HHAT: variants seen among roughly 807,000 people sequenced by gnomAD.
The protein encoded by HHAT is protein-cysteine N-palmitoyltransferase HHAT.
In HHAT, 47 loss-of-function variants were observed where a neutral mutation model predicts 70.8. The observed-to-expected ratio is 0.66, with a 90% CI of 0.53 to 0.85. The LOEUF (loss-of-function observed/expected upper bound fraction) is 0.85. HHAT is among the 40% of genes least tolerant of loss of function. The pLI, the probability that HHAT is intolerant of heterozygous loss-of-function variation, is 0.00. For missense variants in HHAT, 609 were observed against 604.8 expected (o/e 1.01, Z -0.07); for synonymous variants, 228 against 247.6 (o/e 0.92, Z 0.74).
chr1:210,512,366 G>GGT (rs922700484), intron 8 of HHAT, among the ~76,000 whole-genome samples: 1 of 151,910 alleles, frequency 6.6e-6, no homozygotes, highest in African/African-American at 2.4e-5. Context: ...TGGCTAGTGT[G>GGT]GTGTTGGGCT....
chr1:210,583,055 C>A (rs768002245), intron 9 of HHAT, among the ~76,000 whole-genome samples: 8 of 152,182 alleles, frequency 5.3e-5, no homozygotes, highest in Non-Finnish European at 1.2e-4. Flanking sequence ...CTACAACATT[C>A]TAGGAGCAGA....
intron 9 of HHAT, among the ~76,000 whole-genome samples, chr1:210,553,349 G>A (rs2095544066): frequency 6.6e-6 from 1 of 152,314 alleles, no homozygotes; most frequent in Admixed American, 6.5e-5. Flanking sequence ...AAGGGTTGGG[G>A]TCAGAGAGGC....
chr1:210,651,356 T>C (rs1263137311), intron 11 of HHAT, among the ~76,000 whole-genome samples: 1 of 152,004 alleles, frequency 6.6e-6, no homozygotes, highest in Non-Finnish European at 1.5e-5. Context: ...ATTACACAAG[T>C]ATTAGAAAGC....
Position 210,499,112 on chromosome 1 carries a change from A to G in HHAT, c.1008-14041A>G, listed in dbSNP as rs117317117. ...TTTCCTTGCAGCCTCTGCTGTGCGAATCAGCCTATACCCTGCTTAGTCCTG... is the reference window on the plus strand; with the variant it reads ...TTTCCTTGCAGCCTCTGCTGTGCGAGTCAGCCTATACCCTGCTTAGTCCTG... On this transcript the variant is annotated intron_variant, in intron 8 of 11. Coordinates refer to ENST00000261458, the MANE Select transcript of HHAT (RefSeq NM_018194.6). 3.3e-5 allele frequency among the ~76,000 whole-genome samples: 5 copies of G among 152,170 alleles called. No individual in the cohort carries two copies. In the East Asian group the frequency reaches 9.7e-4, roughly 29 times the overall value.
chr1:210,626,094 G>T (rs373346000), intron 11 of HHAT, among the ~76,000 whole-genome samples: 2 of 152,198 alleles, frequency 1.3e-5, no homozygotes, highest in African/African-American at 2.4e-5. Context: ...GGTCAAGGGC[G>T]TAAAGATTGT....
intron 2 of HHAT, among the ~76,000 whole-genome samples, chr1:210,361,673 G>A (rs1026007841): frequency 6.6e-6 from 1 of 151,890 alleles, no homozygotes; most frequent in African/African-American, 2.4e-5. Context: ...GTTTCTTGAG[G>A]TTTTTATACT....
At chr1:210,604,295 C>G (rs1202870086) in intron 10 of HHAT, among the ~76,000 whole-genome samples, 1 of 150,540 alleles carries the variant, frequency 6.6e-6, no homozygotes, top group Non-Finnish European at 1.5e-5. Flanking sequence ...ACCATGTTAG[C>G]CAGGATGGTC....
In HHAT at chr1:210,501,280, C is replaced by G. The variant is rs993526216; in HGVS notation, c.1008-11873C>G. The stretch of plus-strand genomic sequence containing the variant: ...TGGCCCATAGACTCTGTTGCCCCAA[C>G]CTCTGCCCTTTGCAGATGCTTGAAA... On this transcript the variant is annotated intron_variant, in intron 8 of 11. Transcript: ENST00000261458. Among the ~76,000 whole-genome samples, 5 of 152,250 alleles carry G rather than the reference C, an allele frequency of 3.3e-5. No individual in the cohort carries two copies. In the East Asian group the frequency reaches 9.6e-4, roughly 29 times the overall value.
chr1:210,555,480 T>C (rs2095563880), intron 9 of HHAT, among the ~76,000 whole-genome samples: 1 of 152,166 alleles, frequency 6.6e-6, no homozygotes, highest in South Asian at 2.1e-4. Flanking sequence ...CCTAGTCCTG[T>C]TAAGGGAGTT....
intron 5 of HHAT, among the ~76,000 whole-genome samples, chr1:210,403,877 G>C (rs903238262): frequency 1.4e-5 from 2 of 147,536 alleles, no homozygotes; most frequent in East Asian, 3.9e-4. Context: ...TATTGTAATT[G>C]CATTTTTACA....
chr1:210,419,588 G>GC (rs929247054), intron 7 of HHAT, among the ~76,000 whole-genome samples: 3 of 152,148 alleles, frequency 2.0e-5, no homozygotes, highest in African/African-American at 7.2e-5. Context: ...AAGAGTACAA[G>GC]CCTGACTCCT....
intron 10 of HHAT, among the ~76,000 whole-genome samples, chr1:210,616,447 A>C (rs185166596): frequency 3.3e-5 from 5 of 152,162 alleles, no homozygotes; most frequent in Non-Finnish European, 5.9e-5. Flanking sequence ...ATCTCCTACT[A>C]TACTTGTGGA....
chr1:210,376,481 AAAGT>A (rs1286464259), intron 3 of HHAT, among the ~76,000 whole-genome samples: 5 of 152,180 alleles, frequency 3.3e-5, no homozygotes, highest in African/African-American at 1.2e-4. Flanking sequence ...CTTGTGTTTT[AAAGT>A]AAGTCTTAGG....
chr1:210,348,917 T>C lies in HHAT; in HGVS notation c.-43-16T>C. 6.3e-7 allele frequency: 1 copy of C among 1,598,408 alleles called. No individual in the cohort carries two copies. The highest frequency in any genetic ancestry group is 1.7e-4 in the Middle Eastern group (1 of 5,974). On this transcript the variant is annotated splice_polypyrimidine_tract_variant and intron_variant, in intron 1 of 11. Coordinates refer to ENST00000261458, the MANE Select transcript of HHAT (RefSeq NM_018194.6). ...GTGTCATGTTCATGGCTTAAAGTTT[T>C]GTCTCTGTTTCTCAGAAACTCTCAG...
intron 9 of HHAT, among the ~76,000 whole-genome samples, chr1:210,522,525 C>T (rs904654837): frequency 6.6e-6 from 1 of 152,184 alleles, no homozygotes; most frequent in Non-Finnish European, 1.5e-5. Context: ...GCTGGGTCCC[C>T]CCTTCCATCG....
intron 11 of HHAT, among the ~76,000 whole-genome samples, chr1:210,649,064 A>C (rs976450265): frequency 2.6e-5 from 4 of 152,226 alleles, no homozygotes; most frequent in Non-Finnish European, 2.9e-5. Context: ...CTTCCTTGGA[A>C]TCAGCCCAAC....
intron 7 of HHAT, 110 bp downstream of exon 7, chr1:210,418,435 C>A (rs898503544): frequency 1.4e-5 from 13 of 929,810 alleles, no homozygotes; most frequent in East Asian, 5.6e-5. Context: ...TATAGCAAAC[C>A]CTCTTTATTA....
At chr1:210,496,468 C>T (rs187022330) in intron 8 of HHAT, among the ~76,000 whole-genome samples, 134 of 152,252 alleles carry the variant, frequency 8.8e-4, no homozygotes, top group Non-Finnish European at 1.6e-3. Flanking sequence ...TCACATCTAG[C>T]GATCCTGTTA....
intron 11 of HHAT, among the ~76,000 whole-genome samples, chr1:210,670,255 C>T (rs1469427878): frequency 6.6e-6 from 1 of 152,210 alleles, no homozygotes; most frequent in Non-Finnish European, 1.5e-5. Context: ...TGGGCCACAT[C>T]AGTGCTTGCT....
Sources: gnomAD v4.1 joint callset for allele counts (sites outside exome capture counted in the v4.1 genomes callset) on GRCh38, gnomAD v4.1.1 for gene constraint, MANE v1.5 for transcripts, NCBI Gene and HGNC (gene_info 2026-07-23, HGNC 2026-07-21) for gene names.